MMGT1: variants seen among roughly 807,000 people sequenced by gnomAD.
The protein encoded by MMGT1 is membrane magnesium transporter 1.
Under a neutral mutation model 11.7 loss-of-function variants are expected in MMGT1, and 2 were observed. That is an observed-to-expected ratio of 0.17 (90% confidence interval 0.07 to 0.54). The LOEUF (loss-of-function observed/expected upper bound fraction) is 0.54, where lower values mean the gene tolerates loss of function less well. MMGT1 is among the 20% of genes least tolerant of loss of function. The pLI, the probability that MMGT1 is intolerant of heterozygous loss-of-function variation, is 0.94. For synonymous variants in MMGT1, 49 were observed against 44.4 expected (o/e 1.10, Z -0.41); for missense variants, 74 against 109.0 (o/e 0.68, Z 1.43).
chrX:135,966,210 C>T (rs2089184188), intron 3 of MMGT1, among the ~76,000 whole-genome samples: 1 of 112,075 alleles, frequency 8.9e-6, no homozygotes, highest in Non-Finnish European at 1.9e-5. Context: ...TAGGAGAACT[C>T]TTCCTTTGAC....
intron 1 of MMGT1, 111 bp downstream of exon 1, chrX:135,973,486 G>A (rs1032570743): frequency 1.6e-6 from 1 of 613,089 alleles, no homozygotes; most frequent in East Asian, 3.6e-5. Flanking sequence ...AAACTGTAAG[G>A]TCTCAAAGGA....
chrX:135,965,493 C>G (rs1279748196), intron 3 of MMGT1, among the ~76,000 whole-genome samples: 1 of 111,762 alleles, frequency 8.9e-6, no homozygotes, highest in Non-Finnish European at 1.9e-5. Context: ...CCTCAAACTC[C>G]TGGACTCAAG....
Position 135,973,872 on chromosome X carries a change from G to T in MMGT1, c.-197C>A. The T allele has an allele frequency of 8.6e-7, 1 of 1,157,526 alleles. No homozygotes were observed. The highest frequency in any genetic ancestry group is 1.2e-6 in the Non-Finnish European group (1 of 869,055). On this transcript the variant is annotated 5_prime_UTR_variant, in exon 1 of 4. Transcript: ENST00000305963. ...GCCGGGAAGAAGCAGAAAGCTACACGGAAAAAGGTCCGCGAGAACCCACGA... is the reference window on the plus strand; with the variant it reads ...GCCGGGAAGAAGCAGAAAGCTACACTGAAAAAGGTCCGCGAGAACCCACGA...
intron 2 of MMGT1, among the ~76,000 whole-genome samples, chrX:135,968,192 T>A (rs2089197147): frequency 9.0e-6 from 1 of 111,688 alleles, no homozygotes; most frequent in South Asian, 3.7e-4. Flanking sequence ...AAAGCATATG[T>A]ACACAGCATA....
Position 135,962,641 on chromosome X carries a change from A to C in MMGT1, c.*2383T>G, listed in dbSNP as rs2089162329. ...ATGAAAAAAGAAATTTGGGGAGCTC[A>C]CCTGGCCTGAGGTATACAAGCTGCT... On this transcript the variant is annotated 3_prime_UTR_variant, in exon 4 of 4. Transcript: ENST00000305963. 3 of 112,010 alleles carry C rather than the reference A, an allele frequency of 2.7e-5. No homozygotes were observed. Among genetic ancestry groups the C allele is most frequent in the Non-Finnish European group, 5.6e-5 (3 of 53,211 alleles). 9.2% of individuals were successfully genotyped at this position (112,010 alleles called of 1,213,427 possible). A position where few individuals can be genotyped will look rare whatever the true frequency, so the allele number is the denominator to read the frequency against.
At chrX:135,969,172 A>G (rs201880663) in intron 2 of MMGT1, among the ~76,000 whole-genome samples, 150 of 62,993 alleles carry the variant, frequency 2.4e-3, no homozygotes, top group African/African-American at 7.0e-3. Context: ...GTGTGTGTGT[A>G]TCTACCACAA....
intron 2 of MMGT1, among the ~76,000 whole-genome samples, chrX:135,969,144 A>ATGTGTATGTGTGTGTG (rs1556612332): frequency 9.9e-6 from 1 of 100,920 alleles, no homozygotes; most frequent in Non-Finnish European, 2.0e-5. Context: ...AAATATGTGT[A>ATGTGTATGTGTGTGTG]TGTGTGTGTG....
rs782567372 is a variant in MMGT1 at position 135,963,690 on chromosome X, A to G, written c.*1334T>C. The G allele has an allele frequency of 3.6e-5, 4 of 112,573 alleles. 1 individual carries two copies. In the South Asian group the frequency reaches 1.5e-3, roughly 41 times the overall value. The allele number at this position is 112,573 out of a possible 1,213,427, so 9.3% of individuals were successfully genotyped here. On this transcript the variant is annotated 3_prime_UTR_variant, in exon 4 of 4. Coordinates refer to ENST00000305963, the MANE Select transcript of MMGT1 (RefSeq NM_173470.3). ...TGATGTCCATTTCTAAAGGAAAATA[A>G]AATGCCTACAAGTACAATGGCATCT...
rs1556611718 is a variant in MMGT1, at chrX:135,964,252, GGTCTTCAACTA to G, written c.*761_*771del. On this transcript the variant is annotated 3_prime_UTR_variant, in exon 4 of 4. Transcript: ENST00000305963. ...TAGGCATGATAATGAAATCACAAAAGGTCTTCAACTAGTCTTCAACTATTCTTACACTATAT... is the reference window on the plus strand; with the variant it reads ...TAGGCATGATAATGAAATCACAAAAGGTCTTCAACTATTCTTACACTATAT... The G allele has an allele frequency of 8.9e-6, 1 of 112,956 alleles. No individual in the cohort carries two copies. The highest frequency in any genetic ancestry group is 1.9e-5 in the Non-Finnish European group (1 of 53,304). 9.3% of individuals were successfully genotyped at this position (112,956 alleles called of 1,213,427 possible).
chrX:135,968,875 T>A (rs1274114374), intron 2 of MMGT1, among the ~76,000 whole-genome samples: 3 of 111,664 alleles, frequency 2.7e-5, no homozygotes, highest in Non-Finnish European at 5.6e-5. Context: ...ATACCACAAT[T>A]TATCCATTCT....
rs1256818665 is a variant in MMGT1, at chrX:135,964,431, T to C, written c.*593A>G. The C allele has an allele frequency of 8.9e-6, 1 of 112,866 alleles. No individual in the cohort carries two copies. Among genetic ancestry groups the C allele is most frequent in the Non-Finnish European group, 1.9e-5 (1 of 53,305 alleles). The allele number at this position is 112,866 out of a possible 1,213,427, so 9.3% of individuals were successfully genotyped here. A position where few individuals can be genotyped will look rare whatever the true frequency, so the allele number is the denominator to read the frequency against. On this transcript the variant is annotated 3_prime_UTR_variant, in exon 4 of 4. Transcript: ENST00000305963. ...TGCACACAGAATCTCAGAGAAATGA[T>C]GAAACAAGACAGCTGATGGTAGAAG...
intron 2 of MMGT1, 76 bp downstream of exon 2, chrX:135,970,982 A>G (rs1449674595): frequency 2.8e-6 from 2 of 706,226 alleles, no homozygotes; most frequent in East Asian, 3.3e-5. Flanking sequence ...ACGAAAAACC[A>G]GTAAAAAAAA....
chrX:135,964,944 G>T lies in MMGT1; in HGVS notation c.*80C>A. ...AAAGATCAATATAAATACTAATGGG[G>T]GCAGGGAGGAGTGTTTTATACCCCA... On this transcript the variant is annotated 3_prime_UTR_variant, in exon 4 of 4. Transcript: ENST00000305963. 1.1e-6 allele frequency: 1 copy of T among 872,155 alleles called. No homozygotes were observed. The highest frequency in any genetic ancestry group is 1.6e-6 in the Non-Finnish European group (1 of 607,005). The allele number at this position is 872,155 out of a possible 1,213,427, so 71.9% of individuals were successfully genotyped here. A position where few individuals can be genotyped will look rare whatever the true frequency, so the allele number is the denominator to read the frequency against.
At chrX:135,970,690 A>T (rs1230783189) in intron 2 of MMGT1, among the ~76,000 whole-genome samples, 1 of 112,304 alleles carries the variant, frequency 8.9e-6, no homozygotes, top group Non-Finnish European at 1.9e-5. Flanking sequence ...CAGGCGGATC[A>T]TGAGGTCAGG....
intron 1 of MMGT1, among the ~76,000 whole-genome samples, chrX:135,972,770 T>C (rs2089226707): frequency 1.8e-5 from 2 of 111,778 alleles, no homozygotes; most frequent in Non-Finnish European, 3.8e-5. Context: ...CTGGCCTGAG[T>C]ATCTTCTAAT....
At chrX:135,969,144 ATGTG>A (rs10679302) in intron 2 of MMGT1, among the ~76,000 whole-genome samples, 7 of 100,914 alleles carry the variant, frequency 6.9e-5, no homozygotes, top group East Asian at 3.1e-4. Context: ...AAATATGTGT[ATGTG>A]TGTGTGTGTG....
intron 1 of MMGT1, 71 bp downstream of exon 1, chrX:135,973,526 C>G: frequency 1.1e-6 from 1 of 885,649 alleles, no homozygotes; most frequent in Non-Finnish European, 1.6e-6. Flanking sequence ...TCCGATGGTC[C>G]CTTAGAAGTG....
chrX:135,964,072 G>A lies in MMGT1; in HGVS notation c.*952C>T, dbSNP rs2089171968. The A allele has an allele frequency of 8.9e-6, 1 of 112,567 alleles. No individual in the cohort carries two copies. Among genetic ancestry groups the A allele is most frequent in the African/African-American group, 3.2e-5 (1 of 31,023 alleles). 9.3% of individuals were successfully genotyped at this position (112,567 alleles called of 1,213,427 possible). A position where few individuals can be genotyped will look rare whatever the true frequency, so the allele number is the denominator to read the frequency against. On this transcript the variant is annotated 3_prime_UTR_variant, in exon 4 of 4. Transcript: ENST00000305963. ...CTTAAAAACATTAGTTCCAAATACT[G>A]AGAATATATTTGGCCCAATTCCTTT...
In MMGT1 at chrX:135,964,047, CT is replaced by C. The variant is rs781957070; in HGVS notation, c.*976del. ...TAAATGACCTGATTTTCCTAAAAAC[CT>C]TAAAAACATTAGTTCCAAATACTGA... On this transcript the variant is annotated 3_prime_UTR_variant, in exon 4 of 4. Transcript: ENST00000305963. 8.9e-6 allele frequency: 1 copy of C among 112,647 alleles called. No homozygotes were observed. Among genetic ancestry groups the C allele is most frequent in the African/African-American group, 3.2e-5 (1 of 31,104 alleles). 9.3% of individuals were successfully genotyped at this position (112,647 alleles called of 1,213,427 possible).
Sources: gnomAD v4.1 joint callset for allele counts (sites outside exome capture counted in the v4.1 genomes callset) on GRCh38, gnomAD v4.1.1 for gene constraint, MANE v1.5 for transcripts, NCBI Gene and HGNC (gene_info 2026-07-23, HGNC 2026-07-21) for gene names.